Variants in INPP4B observed in about 807,000 individuals in gnomAD.
INPP4B encodes inositol polyphosphate 4-phosphatase type II.
Under a neutral mutation model 122.5 loss-of-function variants are expected in INPP4B, and 55 were observed. The observed-to-expected ratio is 0.45, with a 90% CI of 0.36 to 0.56. INPP4B has a LOEUF of 0.56. INPP4B is among the 20% of genes least tolerant of loss of function. INPP4B has a pLI of 0.00. For synonymous variants in INPP4B, 403 were observed against 388.7 expected (o/e 1.04, Z -0.43); for missense variants, 1,000 against 1,097.7 (o/e 0.91, Z 1.26).
chr4:142,059,597 T>C (rs557402774), intron 25 of INPP4B, among the ~76,000 whole-genome samples: 2 of 152,182 alleles, frequency 1.3e-5, no homozygotes, highest in East Asian at 3.9e-4. Flanking sequence ...TAAAAGAGAG[T>C]GTCCAGAACC....
chr4:142,106,519 A>G (rs1007634882), intron 23 of INPP4B, among the ~76,000 whole-genome samples: 14 of 152,168 alleles, frequency 9.2e-5, no homozygotes, highest in Non-Finnish European at 1.8e-4. Context: ...TTATATTCCT[A>G]TGAAGAGTTT....
chr4:142,121,227 G>T (rs190803142), intron 21 of INPP4B, among the ~76,000 whole-genome samples: 2 of 151,854 alleles, frequency 1.3e-5, no homozygotes, highest in Non-Finnish European at 1.5e-5. Flanking sequence ...GAGGATGTGG[G>T]TTTTTTTGTG....
rs554345195 is a variant in INPP4B at position 142,598,139 on chromosome 4, G to T, written c.-191+127700C>A. The stretch of plus-strand genomic sequence containing the variant: ...GGACCACTAGAGGCACAGAAGGAGA[G>T]GGAAGCATGCAGCCAGCTCAGTTGA... On this transcript the variant is annotated intron_variant, in intron 2 of 25. Transcript: ENST00000262992. Among the ~76,000 whole-genome samples, 250 of 152,284 alleles carry T rather than the reference G, an allele frequency of 1.6e-3. 1 individual carries two copies. Among genetic ancestry groups the T allele is most frequent in the Non-Finnish European group, 6.8e-4 (46 of 68,024 alleles).
At chr4:142,339,970 C>T (rs1282366194) in intron 7 of INPP4B, among the ~76,000 whole-genome samples, 1 of 152,060 alleles carries the variant, frequency 6.6e-6, no homozygotes, top group African/African-American at 2.4e-5. Context: ...AATAGATATA[C>T]CTCAGGGGGC....
intron 23 of INPP4B, among the ~76,000 whole-genome samples, chr4:142,091,199 T>A (rs1277195360): frequency 6.6e-6 from 1 of 152,180 alleles, no homozygotes; most frequent in Non-Finnish European, 1.5e-5. Flanking sequence ...ATGTGTGCTA[T>A]GTATGATTTG....
chr4:142,102,891 C>T (rs1446243762), intron 23 of INPP4B, among the ~76,000 whole-genome samples: 1 of 152,068 alleles, frequency 6.6e-6, no homozygotes, highest in Non-Finnish European at 1.5e-5. Context: ...TTTAAACATG[C>T]ATCAATTTAC....
At chr4:142,560,714 CT>C (rs1730275423) in intron 2 of INPP4B, 1 of 152,228 alleles carries the variant, frequency 6.6e-6, no homozygotes, top group Non-Finnish European at 1.5e-5. Context: ...CAAGTCTGCT[CT>C]TTCCAACATC....
chr4:142,648,790 T>C (rs780285356), intron 2 of INPP4B, among the ~76,000 whole-genome samples: 1 of 152,212 alleles, frequency 6.6e-6, no homozygotes, highest in Non-Finnish European at 1.5e-5. Flanking sequence ...TTTTTGTTCA[T>C]AGTTGAACAA....
At chr4:142,438,829 T>C (rs1811098621) in intron 3 of INPP4B, among the ~76,000 whole-genome samples, 1 of 152,152 alleles carries the variant, frequency 6.6e-6, no homozygotes, top group African/African-American at 2.4e-5. Context: ...TTTCAGAATT[T>C]ACAAGGAACT....
At chr4:142,400,390 C>T (rs898867070) in intron 7 of INPP4B, among the ~76,000 whole-genome samples, 4 of 152,050 alleles carry the variant, frequency 2.6e-5, no homozygotes, top group Non-Finnish European at 5.9e-5. Context: ...CAAATATTCA[C>T]CATCTCATCT....
At chr4:142,263,680 A>ATATACATATATATATATG (rs61694410) in intron 10 of INPP4B, among the ~76,000 whole-genome samples, 1 of 81,948 alleles carries the variant, frequency 1.2e-5, no homozygotes, top group Non-Finnish European at 2.5e-5. Context: ...ATATATATAT[A>ATATACATATATATATATG]ACATTGAACA....
chr4:142,765,008 A>G (rs1771898760), intron 1 of INPP4B, among the ~76,000 whole-genome samples: 1 of 152,154 alleles, frequency 6.6e-6, no homozygotes, highest in Non-Finnish European at 1.5e-5. Flanking sequence ...AGTGAAAAAC[A>G]TTTGGTGCAA....
chr4:142,064,695 A>T (rs28534072), intron 25 of INPP4B, among the ~76,000 whole-genome samples: 3,889 of 152,090 alleles, frequency 0.026, 184 homozygotes, highest in African/African-American at 0.089. Context: ...GTTCTAGTCT[A>T]TTTTCTTCAA....
intron 8 of INPP4B, among the ~76,000 whole-genome samples, chr4:142,308,551 A>C (rs1764283968): frequency 6.6e-6 from 1 of 152,140 alleles, no homozygotes; most frequent in Admixed American, 6.6e-5. Context: ...CTCACCCTCA[A>C]AGTTAGAAAA....
At chr4:142,247,037 A>C (rs1271624110) in intron 11 of INPP4B, among the ~76,000 whole-genome samples, 1 of 152,142 alleles carries the variant, frequency 6.6e-6, no homozygotes, top group African/African-American at 2.4e-5. Flanking sequence ...CCTTCTCTGC[A>C]TCTATTGTGA....
chr4:142,342,737 T>G (rs576930755), intron 7 of INPP4B, among the ~76,000 whole-genome samples: 1 of 152,204 alleles, frequency 6.6e-6, no homozygotes, highest in African/African-American at 2.4e-5. Flanking sequence ...ATAAAGAAAT[T>G]TTCCCAAAAA....
At chr4:142,116,895 CAAT>C (rs1324908266) in intron 21 of INPP4B, among the ~76,000 whole-genome samples, 2 of 151,914 alleles carry the variant, frequency 1.3e-5, no homozygotes, top group African/African-American at 4.8e-5. Flanking sequence ...AAAAGATCAA[CAAT>C]ATTGACAGAC....
At chr4:142,749,211 G>A (rs966725281) in intron 1 of INPP4B, among the ~76,000 whole-genome samples, 17 of 145,788 alleles carry the variant, frequency 1.2e-4, no homozygotes, top group African/African-American at 4.0e-4. Flanking sequence ...TGTTTATTAT[G>A]TCTCAGCATA....
chr4:142,464,313 C>T, intron 2 of INPP4B, among the ~76,000 whole-genome samples: 1 of 152,004 alleles, frequency 6.6e-6, no homozygotes, highest in Non-Finnish European at 1.5e-5. Context: ...ATTATTTGGT[C>T]AAAAGATGTA....
Sources: allele counts gnomAD v4.1 joint callset (sites outside exome capture counted in the v4.1 genomes callset), GRCh38; gene constraint gnomAD v4.1.1; transcripts MANE v1.5; gene names NCBI Gene and HGNC (gene_info 2026-07-23, HGNC 2026-07-21).